The following RALY variants were observed in gnomAD, a reference collection of about 807,000 sequenced individuals.
RALY encodes RALY heterogeneous nuclear ribonucleoprotein, also known as RNA-binding protein Raly.
Under a neutral mutation model 30.7 loss-of-function variants are expected in RALY, and 15 were observed. That is an observed-to-expected ratio of 0.49 (90% CI 0.33 to 0.75). RALY has a LOEUF of 0.75. Ranked by LOEUF, RALY falls within the 30% of genes least tolerant of loss-of-function variation. The pLI, the probability that RALY is intolerant of heterozygous loss-of-function variation, is 0.02. For synonymous variants in RALY, 177 were observed against 170.8 expected, an observed-to-expected ratio of 1.04 and a Z score of -0.28; for missense variants, 339 against 414.3, an observed-to-expected ratio of 0.82 and a Z score of 1.58.
intron 1 of RALY, among the ~76,000 whole-genome samples, chr20:34,020,080 G>A (rs2031762187): frequency 3.9e-5 from 6 of 152,162 alleles, no homozygotes; most frequent in Admixed American, 2.0e-4. Context: ...GGAAGCTTGA[G>A]TGCCCACTGT....
intron 1 of RALY, among the ~76,000 whole-genome samples, chr20:33,999,404 G>T (rs1438338293): frequency 6.6e-6 from 1 of 152,100 alleles, no homozygotes; most frequent in African/African-American, 2.4e-5. Flanking sequence ...GAGAGTGAGA[G>T]TATGGCACAA....
chr20:33,998,956 G>A (rs188042940), intron 1 of RALY, among the ~76,000 whole-genome samples: 46 of 151,732 alleles, frequency 3.0e-4, no homozygotes, highest in Non-Finnish European at 4.0e-4. Context: ...GTGAAACCCC[G>A]TCTCTACTAA....
Position 34,032,972 on chromosome 20 carries a change from A to G in RALY, c.-10+1368A>G, listed in dbSNP as rs114768927. ...GGTATTTCTAGTGAGGGGGACTACT[A>G]GACTGAAAGATAGGAAGAACCTTCA... On this transcript the variant is annotated intron_variant, in intron 2 of 9. Coordinates refer to ENST00000246194, the MANE Select transcript of RALY (RefSeq NM_016732.3). Among the ~76,000 whole-genome samples the G allele has an allele frequency of 1.5e-3, 222 of 152,258 alleles. 1 individual carries two copies. Among genetic ancestry groups the G allele is most frequent in the African/African-American group, 4.9e-3 (202 of 41,550 alleles).
At chr20:34,028,047 T>C (rs1369520809) in intron 1 of RALY, among the ~76,000 whole-genome samples, 1 of 152,100 alleles carries the variant, frequency 6.6e-6, no homozygotes, top group East Asian at 1.9e-4. Flanking sequence ...ATCCCAGCAC[T>C]TTGGGAGGCC....
chr20:34,013,439 C>T (rs2031491195), intron 1 of RALY, among the ~76,000 whole-genome samples: 1 of 142,780 alleles, frequency 7.0e-6, no homozygotes, highest in Non-Finnish European at 1.5e-5. Context: ...AAAAAAAAGG[C>T]ATTTCGACTT....
At chr20:34,068,544 C>T (rs563584841) in intron 2 of RALY, among the ~76,000 whole-genome samples, 8 of 152,080 alleles carry the variant, frequency 5.3e-5, no homozygotes, top group Admixed American at 2.0e-4. Context: ...TACTGTGCCC[C>T]GAGTTTTGTC....
At chr20:34,032,510 TGGG>T (rs1353524968) in intron 2 of RALY, among the ~76,000 whole-genome samples, 1 of 18,070 alleles carries the variant, frequency 5.5e-5, no homozygotes, top group Non-Finnish European at 1.0e-4. Context: ...TTTTGTGTGT[TGGG>T]GGGGGTTTTA....
At chr20:34,064,004 AAATAAATG>A (rs1435951842) in intron 2 of RALY, among the ~76,000 whole-genome samples, 3 of 152,176 alleles carry the variant, frequency 2.0e-5, no homozygotes, top group African/African-American at 7.2e-5. Context: ...ATAAATAAAT[AAATAAATG>A]ATTGGTTAGT....
At chr20:34,036,565 CCCT>C (rs1369210321) in intron 2 of RALY, among the ~76,000 whole-genome samples, 5 of 152,266 alleles carry the variant, frequency 3.3e-5, no homozygotes, top group African/African-American at 1.2e-4. Context: ...TTGATGTGTT[CCCT>C]CCTCCTCTGA....
intron 1 of RALY, among the ~76,000 whole-genome samples, chr20:34,020,954 T>C (rs2031795324): frequency 6.6e-6 from 1 of 152,152 alleles, no homozygotes; most frequent in Non-Finnish European, 1.5e-5. Context: ...TTTTTCTTTT[T>C]TTTTTTTAAT....
chr20:34,045,514 G>A (rs192245221), intron 2 of RALY, among the ~76,000 whole-genome samples: 7 of 152,278 alleles, frequency 4.6e-5, no homozygotes, highest in African/African-American at 9.6e-5. Context: ...ATAGGGCCCC[G>A]AGGTCCATTG....
intron 2 of RALY, among the ~76,000 whole-genome samples, chr20:34,042,236 C>T (rs563595855): frequency 5.3e-5 from 8 of 152,312 alleles, no homozygotes; most frequent in African/African-American, 1.9e-4. Context: ...TCCCCGCTCC[C>T]GCCGAGGCAG....
At chr20:34,066,836 A>G (rs1183386041) in intron 2 of RALY, among the ~76,000 whole-genome samples, 1 of 152,194 alleles carries the variant, frequency 6.6e-6, no homozygotes, top group African/African-American at 2.4e-5. Flanking sequence ...GAGGAGGCAC[A>G]TTCATACCAT....
At position 34,074,783 on chromosome 20, in the gene RALY, C is replaced by T. The variant is rs560922213; in HGVS notation, c.377+917C>T. Among the ~76,000 whole-genome samples, 3 of 152,316 alleles carry T rather than the reference C, an allele frequency of 2.0e-5. No individual in the cohort carries two copies. The South Asian group carries it at 6.2e-4, about 32-fold the overall frequency. ...CAGTGATTCTGACCAAGGCCAGAGC[C>T]GTTCCCTCCCCTTGGGGGCAGAAAT... On this transcript the variant is annotated intron_variant, in intron 5 of 9. Transcript: ENST00000246194.
chr20:34,012,475 G>A (rs1359013324), intron 1 of RALY, among the ~76,000 whole-genome samples: 2 of 116,466 alleles, frequency 1.7e-5, no homozygotes, highest in Admixed American at 9.1e-5. Context: ...CCTTTCCTCC[G>A]CCTCCTTTCT....
chr20:34,019,210 C>T (rs758588836), intron 1 of RALY, among the ~76,000 whole-genome samples: 1 of 151,968 alleles, frequency 6.6e-6, no homozygotes, highest in Non-Finnish European at 1.5e-5. Context: ...CCTGTAATCC[C>T]GGCTACTCGG....
intron 2 of RALY, among the ~76,000 whole-genome samples, chr20:34,038,008 A>G (rs970585802): frequency 2.0e-5 from 3 of 152,106 alleles, no homozygotes; most frequent in Non-Finnish European, 4.4e-5. Context: ...GCCATATTTT[A>G]TTACTTTGGT....
intron 2 of RALY, among the ~76,000 whole-genome samples, chr20:34,036,106 T>C (rs2123115992): frequency 6.6e-6 from 1 of 152,102 alleles, no homozygotes; most frequent in South Asian, 2.1e-4. Flanking sequence ...TTGGAGAGTT[T>C]TGAATAGAGG....
At chr20:34,048,337 A>G (rs753470375) in intron 2 of RALY, among the ~76,000 whole-genome samples, 3 of 152,068 alleles carry the variant, frequency 2.0e-5, no homozygotes, top group Non-Finnish European at 4.4e-5. Context: ...TGGGTCTCCT[A>G]TGCTATGGAG....
Sources: gnomAD v4.1 joint callset for allele counts (sites outside exome capture counted in the v4.1 genomes callset) on GRCh38, gnomAD v4.1.1 for gene constraint, MANE v1.5 for transcripts, NCBI Gene and HGNC (gene_info 2026-07-23, HGNC 2026-07-21) for gene names.